Variants in GABRA2 observed in about 807,000 individuals in gnomAD.
GABRA2 encodes gamma-aminobutyric acid type A receptor subunit alpha2.
In GABRA2, 16 loss-of-function variants were observed where a neutral mutation model predicts 48.7. That is an observed-to-expected ratio of 0.33 (90% CI 0.22 to 0.50). The LOEUF is 0.50. GABRA2 is among the 20% of genes least tolerant of loss of function. The pLI is 0.98. For synonymous variants in GABRA2, 185 were observed against 184.5 expected (o/e 1.00, Z -0.02); for missense variants, 275 against 535.6 (o/e 0.51, Z 4.80).
At chr4:46,333,376 T>C (rs994178861) in intron 3 of GABRA2, among the ~76,000 whole-genome samples, 1 of 152,100 alleles carries the variant, frequency 6.6e-6, no homozygotes, top group Non-Finnish European at 1.5e-5. Context: ...ATTTAGATCT[T>C]TTATTTTAAA....
At chr4:46,334,320 T>C (rs1731850689) in intron 3 of GABRA2, among the ~76,000 whole-genome samples, 2 of 152,158 alleles carry the variant, frequency 1.3e-5, no homozygotes, top group Non-Finnish European at 2.9e-5. Flanking sequence ...ATGCTGAACC[T>C]GAATTTATAT....
At chr4:46,294,222 C>A (rs1724212871) in intron 8 of GABRA2, among the ~76,000 whole-genome samples, 1 of 152,232 alleles carries the variant, frequency 6.6e-6, no homozygotes, top group African/African-American at 2.4e-5. Context: ...TTACACTATG[C>A]TGATTGCAAC....
In GABRA2 at chr4:46,248,455, A is replaced by G. The variant is rs1714121051; in HGVS notation, c.*1853T>C. On this transcript the variant is annotated 3_prime_UTR_variant, in exon 10 of 10. Coordinates refer to ENST00000381620, the MANE Select transcript of GABRA2 (RefSeq NM_000807.4). Reference sequence around the variant, plus strand: ...ATTAAAGAAATACATTTATTGGCTCATGTAACAATTTTATTTTATTAAGGA... The same window carrying G: ...ATTAAAGAAATACATTTATTGGCTCGTGTAACAATTTTATTTTATTAAGGA... 1 of 151,430 alleles carries G rather than the reference A, an allele frequency of 6.6e-6. No homozygotes were observed. Among genetic ancestry groups the G allele is most frequent in the African/African-American group, 2.4e-5 (1 of 41,372 alleles). 9.4% of individuals were successfully genotyped at this position (151,430 alleles called of 1,614,324 possible).
intron 6 of GABRA2, among the ~76,000 whole-genome samples, chr4:46,309,297 C>T (rs1246143667): frequency 6.6e-6 from 1 of 152,038 alleles, no homozygotes; most frequent in East Asian, 1.9e-4. Flanking sequence ...GAGGAGAAGG[C>T]ATACTATTCA....
At chr4:46,269,013 G>A (rs1213836396) in intron 8 of GABRA2, among the ~76,000 whole-genome samples, 1 of 151,860 alleles carries the variant, frequency 6.6e-6, no homozygotes, top group African/African-American at 2.4e-5. Context: ...GCAGTGAGAA[G>A]AATGGTAGTC....
intron 2 of GABRA2, among the ~76,000 whole-genome samples, chr4:46,387,382 C>T (rs1717612174): frequency 6.6e-6 from 1 of 152,112 alleles, no homozygotes; most frequent in Non-Finnish European, 1.5e-5. Context: ...TGATTACACA[C>T]CTAGTAGCTA....
At chr4:46,375,373 T>C (rs1715535435) in intron 3 of GABRA2, among the ~76,000 whole-genome samples, 1 of 152,206 alleles carries the variant, frequency 6.6e-6, no homozygotes, top group African/African-American at 2.4e-5. Context: ...GAAGAAATAA[T>C]TCTCATCATA....
chr4:46,330,591 T>TATATATAGAGAGAGAGAGAG (rs1411755120), intron 4 of GABRA2, among the ~76,000 whole-genome samples: 66 of 122,676 alleles, frequency 5.4e-4, no homozygotes, highest in East Asian at 1.2e-3. Flanking sequence ...TATATATATA[T>TATATATAGAGAGAGAGAGAG]AGAGAGAGAG....
intron 8 of GABRA2, among the ~76,000 whole-genome samples, chr4:46,283,845 C>A (rs919448339): frequency 6.6e-6 from 1 of 152,098 alleles, no homozygotes; most frequent in Non-Finnish European, 1.5e-5. Flanking sequence ...CTGCCAGCTC[C>A]GCCTCCTGGG....
chr4:46,370,201 A>T (rs558366994), intron 3 of GABRA2, among the ~76,000 whole-genome samples: 6 of 152,128 alleles, frequency 3.9e-5, no homozygotes, highest in Non-Finnish European at 7.4e-5. Context: ...AAAAAGCATC[A>T]GGGCTAGAAA....
At chr4:46,358,936 A>C (rs190510070) in intron 3 of GABRA2, among the ~76,000 whole-genome samples, 1 of 152,334 alleles carries the variant, frequency 6.6e-6, no homozygotes, top group Non-Finnish European at 1.5e-5. Flanking sequence ...AATTACCTTC[A>C]CAGGTAATGG....
chr4:46,309,945 A>C (rs192132690), intron 6 of GABRA2, among the ~76,000 whole-genome samples: 33 of 152,320 alleles, frequency 2.2e-4, no homozygotes, highest in African/African-American at 7.9e-4. Flanking sequence ...ACATGTACTA[A>C]AACACATAGT....
chr4:46,306,477 C>A (rs974328430), intron 6 of GABRA2, among the ~76,000 whole-genome samples: 1 of 152,134 alleles, frequency 6.6e-6, no homozygotes, highest in African/African-American at 2.4e-5. Context: ...CTGGTCTTAG[C>A]CTTTCTCTGA....
In GABRA2 at chr4:46,388,396, T is replaced by A. The variant is rs138221725; in HGVS notation, c.71+240A>T. ...TAGGAATATGCCATTGAAAGGATTT[T>A]CTTTTCTTCTGTGAATGTTCTGCAT... is the stretch of plus-strand genomic sequence containing the variant. On this transcript the variant is annotated intron_variant, in intron 2 of 9. Coordinates refer to ENST00000381620, the MANE Select transcript of GABRA2 (RefSeq NM_000807.4). Among the ~76,000 whole-genome samples, 3 of 152,342 alleles carry A rather than the reference T, an allele frequency of 2.0e-5. No individual in the cohort carries two copies. The East Asian group carries it at 5.8e-4, about 29-fold the overall frequency.
At chr4:46,263,367 T>C (rs1717437367) in intron 8 of GABRA2, among the ~76,000 whole-genome samples, 1 of 152,094 alleles carries the variant, frequency 6.6e-6, no homozygotes, top group African/African-American at 2.4e-5. Flanking sequence ...TTTTATGTCT[T>C]ACCAGTGAGT....
chr4:46,290,680 G>T (rs778950155), intron 8 of GABRA2, among the ~76,000 whole-genome samples: 65 of 151,700 alleles, frequency 4.3e-4, no homozygotes, highest in Non-Finnish European at 7.9e-4. Context: ...GTTTATTTTG[G>T]CATATATATA....
intron 4 of GABRA2, among the ~76,000 whole-genome samples, chr4:46,332,184 A>G (rs776781715): frequency 1.3e-5 from 2 of 152,122 alleles, no homozygotes; most frequent in Non-Finnish European, 2.9e-5. Flanking sequence ...TTTGCTCAAT[A>G]CCAATCAAAG....
chr4:46,259,800 G>A (rs1356901255), intron 9 of GABRA2, among the ~76,000 whole-genome samples: 1 of 151,814 alleles, frequency 6.6e-6, no homozygotes, highest in African/African-American at 2.4e-5. Flanking sequence ...TGTACTTAAA[G>A]AAAATTATAA....
At chr4:46,329,726 A>G (rs1367278438) in intron 4 of GABRA2, among the ~76,000 whole-genome samples, 2 of 152,128 alleles carry the variant, frequency 1.3e-5, no homozygotes, top group Non-Finnish European at 2.9e-5. Context: ...TCTTTATATC[A>G]GATTTTCCCT....
Sources: gnomAD v4.1 joint callset for allele counts (sites outside exome capture counted in the v4.1 genomes callset) on GRCh38, gnomAD v4.1.1 for gene constraint, MANE v1.5 for transcripts, NCBI Gene and HGNC (gene_info 2026-07-23, HGNC 2026-07-21) for gene names.